Variants in IFNLR1 observed in about 807,000 individuals in gnomAD.
The protein encoded by IFNLR1 is CRF2-12.
In IFNLR1, 28 loss-of-function variants were observed where a neutral mutation model predicts 52.5. The ratio of observed to expected loss-of-function variants is 0.53; its 90% confidence interval spans 0.40 to 0.73. The LOEUF is 0.73. IFNLR1 is among the 30% of genes least tolerant of loss of function. The pLI is 0.00. For synonymous variants in IFNLR1, 276 were observed against 274.9 expected, an observed-to-expected ratio of 1.00 and a Z score of -0.04; for missense variants, 623 against 659.1, an observed-to-expected ratio of 0.95 and a Z score of 0.60.
chr1:24,158,626 C>T (rs1644407113), intron 6 of IFNLR1, among the ~76,000 whole-genome samples: 1 of 152,128 alleles, frequency 6.6e-6, no homozygotes. Context: ...AGGGAGAGAC[C>T]CAGCAGACCA....
At position 24,157,906 on chromosome 1, in the gene IFNLR1, G is replaced by A. The variant is rs188045793; in HGVS notation, c.802-15C>T. 5.3e-4 allele frequency: 812 copies of A among 1,533,746 alleles called. 2 individuals are homozygous for A. The African/African-American group carries it at 9.0e-3, about 17-fold the overall frequency. ...CCAGAAAAGTCCTGATTTGGGTAGG[G>A]GAGAGAAAAGCAGAAAATTTAGGCT... On this transcript the variant is annotated splice_polypyrimidine_tract_variant and intron_variant, in intron 6 of 6. Coordinates refer to ENST00000327535, the MANE Select transcript of IFNLR1 (RefSeq NM_170743.4). The surrounding 1 kb of genome is among the most constrained non-coding windows in gnomAD (Gnocchi z 5.1).
chr1:24,169,133 C>T (rs1644551216), intron 3 of IFNLR1, among the ~76,000 whole-genome samples: 1 of 152,192 alleles, frequency 6.6e-6, no homozygotes, highest in East Asian at 1.9e-4. Flanking sequence ...TAGTCCATGA[C>T]CAAAATGGTG....
chr1:24,158,386 C>T (rs544414690), intron 6 of IFNLR1, among the ~76,000 whole-genome samples: 1 of 152,358 alleles, frequency 6.6e-6, no homozygotes, highest in East Asian at 1.9e-4. Context: ...CCGAGGTTGT[C>T]ACCCTGACAG....
chr1:24,169,340 C>T (rs1204679004), intron 3 of IFNLR1, 77 bp downstream of exon 3: 1 of 1,368,002 alleles, frequency 7.3e-7, no homozygotes, highest in Admixed American at 2.1e-5. Flanking sequence ...GTCAGGAGAA[C>T]AGAACCACTG....
At chr1:24,159,707 T>G in intron 4 of IFNLR1, 74 bp from the exon 5 acceptor site, 1 of 1,228,324 alleles carries the variant, frequency 8.1e-7, no homozygotes, top group Non-Finnish European at 1.1e-6. Context: ...CAGAGTGGGG[T>G]TGGCAGACAT....
Position 24,169,530 on chromosome 1 carries a change from A to G in IFNLR1, c.254T>C (p.Met85Thr). 6 of 1,614,216 alleles carry G rather than the reference A, an allele frequency of 3.7e-6. No individual in the cohort carries two copies. The highest frequency in any genetic ancestry group is 5.1e-6 in the Non-Finnish European group (6 of 1,180,036). The change falls in exon 3 of 7, where the codon ATG becomes ACG. Residue 85 changes from methionine to threonine, a missense_variant. Physicochemically the swap from Met to Thr is moderately conservative, Grantham distance 81. Transcript: ENST00000327535. ...GTACAGGTCCTGTTTCTTCAGGCAC[A>G]TCATAGAACATAGCAGCTCCTTGGT... ...AGTKELLCSMMCLKKQDLYNK... is the reference protein window; with the variant it reads ...AGTKELLCSMTCLKKQDLYNK...
chr1:24,158,819 A>G (rs978995092), intron 6 of IFNLR1, among the ~76,000 whole-genome samples: 7 of 152,180 alleles, frequency 4.6e-5, no homozygotes, highest in Non-Finnish European at 1.0e-4. Context: ...GCAGAGGTGA[A>G]GTTATTTATC....
intron 4 of IFNLR1, 117 bp from the exon 5 acceptor site, chr1:24,159,750 G>GTTTTTTTTTTTTTTTTTTTTTTTTTTTTT (rs1429333772): frequency 1.3e-6 from 1 of 792,280 alleles, no homozygotes; most frequent in Non-Finnish European, 1.8e-6. Flanking sequence ...TTTTTTTTTT[G>GTTTTTTTTTTTTTTTTTTTTTTTTTTTTT]TTTTTTTGTA....
chr1:24,183,730 T>G (rs1644712384), intron 1 of IFNLR1, among the ~76,000 whole-genome samples: 1 of 152,204 alleles, frequency 6.6e-6, no homozygotes, highest in African/African-American at 2.4e-5. Context: ...AAAGTCTTTA[T>G]TATTTTTATT....
At chr1:24,175,334 G>T (rs976050561) in intron 2 of IFNLR1, among the ~76,000 whole-genome samples, 1 of 152,208 alleles carries the variant, frequency 6.6e-6, no homozygotes, top group African/African-American at 2.4e-5. Context: ...GGGCCCAAAG[G>T]GCAGAGCACT....
chr1:24,170,475 C>T (rs1212388124), intron 2 of IFNLR1, among the ~76,000 whole-genome samples: 1 of 152,138 alleles, frequency 6.6e-6, no homozygotes, highest in Non-Finnish European at 1.5e-5. Context: ...ATTCTCCTGC[C>T]TCAGCCTCCC....
At chr1:24,177,924 A>G (rs1644651059) in intron 2 of IFNLR1, among the ~76,000 whole-genome samples, 1 of 152,176 alleles carries the variant, frequency 6.6e-6, no homozygotes, top group African/African-American at 2.4e-5. Flanking sequence ...GTCAGGTAAA[A>G]ATCCTAAGGA....
intron 3 of IFNLR1, 62 bp downstream of exon 3, chr1:24,169,355 C>A: frequency 7.4e-6 from 11 of 1,489,496 alleles, no homozygotes; most frequent in Non-Finnish European, 9.2e-6. Flanking sequence ...CCACTGAGCA[C>A]TGAGCACAGC....
chr1:24,177,216 T>C (rs886280492), intron 2 of IFNLR1, among the ~76,000 whole-genome samples: 1 of 152,074 alleles, frequency 6.6e-6, no homozygotes, highest in Non-Finnish European at 1.5e-5. Context: ...TATACGTATA[T>C]ATGAAAGGGA....
At position 24,168,357 on chromosome 1, in the gene IFNLR1, C is replaced by T. The variant is rs538673190; in HGVS notation, c.367+1060G>A. Reference sequence around the variant, plus strand: ...TTGTCCTTGAACACTGTGAGAAGCCCGGGCAGCAAGTTACAGCTCTCAGCT... The same window carrying T: ...TTGTCCTTGAACACTGTGAGAAGCCTGGGCAGCAAGTTACAGCTCTCAGCT... On this transcript the variant is annotated intron_variant, in intron 3 of 6. Coordinates refer to ENST00000327535, the MANE Select transcript of IFNLR1 (RefSeq NM_170743.4). Among the ~76,000 whole-genome samples the T allele has an allele frequency of 2.9e-3, 447 of 152,188 alleles. 3 individuals are homozygous for T. The highest frequency in any genetic ancestry group is 2.5e-3 in the Non-Finnish European group (172 of 68,014).
At position 24,157,100 on chromosome 1, in the gene IFNLR1, A is replaced by T; in HGVS notation, c.*30T>A. On this transcript the variant is annotated 3_prime_UTR_variant, in exon 7 of 7. Transcript: ENST00000327535. The surrounding 1 kb of genome is among the most constrained non-coding windows in gnomAD (Gnocchi z 5.1). ...TAGTCCTTGCAAAGGCAGCAGCAGC[A>T]TCAGATTCGGTGGGATGTCGGGGGA... 1.9e-6 allele frequency: 3 copies of T among 1,576,302 alleles called. No homozygotes were observed. Among genetic ancestry groups the T allele is most frequent in the Non-Finnish European group, 2.6e-6 (3 of 1,162,484 alleles).
intron 2 of IFNLR1, among the ~76,000 whole-genome samples, chr1:24,171,987 T>C (rs1314120111): frequency 6.6e-6 from 1 of 152,058 alleles, no homozygotes; most frequent in Non-Finnish European, 1.5e-5. Flanking sequence ...AAATATTCTG[T>C]AGAGAGGGGG....
At chr1:24,178,906 T>A (rs541888286) in intron 2 of IFNLR1, among the ~76,000 whole-genome samples, 14,719 of 152,042 alleles carry the variant, frequency 0.097, 1,965 homozygotes, top group African/African-American at 0.3. Flanking sequence ...ACCATTCTAA[T>A]GTATAAAAGA....
chr1:24,175,265 C>T (rs1028225954), intron 2 of IFNLR1, among the ~76,000 whole-genome samples: 1 of 152,356 alleles, frequency 6.6e-6, no homozygotes, highest in Non-Finnish European at 1.5e-5. Flanking sequence ...TGCTGCTAAC[C>T]AGTGACTCGA....
Sources: gnomAD v4.1 joint callset for allele counts (sites outside exome capture counted in the v4.1 genomes callset) on GRCh38, gnomAD v4.1.1 for gene constraint, Gnocchi (gnomAD v3.1) non-coding constraint, MANE v1.5 for transcripts, NCBI Gene and HGNC (gene_info 2026-07-23, HGNC 2026-07-21) for gene names.